NR1D2: variants seen among roughly 807,000 people sequenced by gnomAD.
NR1D2 encodes the protein V-erbA-related protein 1-related.
NR1D2 carries 25 observed loss-of-function variants against 52.2 expected under a neutral mutation model. That is an observed-to-expected ratio of 0.48 (90% confidence interval 0.35 to 0.67). The LOEUF is 0.67. Ranked by LOEUF, NR1D2 falls within the 30% of genes least tolerant of loss-of-function variation. The pLI is 0.01. For synonymous variants in NR1D2, 259 were observed against 230.1 expected (o/e 1.13, Z -1.14); for missense variants, 681 against 707.2 (o/e 0.96, Z 0.42).
At chr3:23,959,263 CAAAAA>C (rs5847262) in intron 3 of NR1D2, among the ~76,000 whole-genome samples, 1 of 91,682 alleles carries the variant, frequency 1.1e-5, no homozygotes. Context: ...GATCCTATCT[CAAAAA>C]AAAAAAAAAA....
chr3:23,954,620 C>T lies in NR1D2; in HGVS notation c.100C>T (p.Gln34Ter). The T allele has an allele frequency of 1.9e-6, 3 of 1,613,982 alleles. No individual in the cohort carries two copies. The highest frequency in any genetic ancestry group is 2.2e-5 in the East Asian group (1 of 44,874). ...CHSEGSENSF[Q>*]SSSSSVPSSP... Reference sequence around the variant, plus strand: ...CAGTGAGGGTTCTGAGAATAGTTTCCAGTCCTCCTCCTCTTCTGTTCCATC... The same window carrying T: ...CAGTGAGGGTTCTGAGAATAGTTTCTAGTCCTCCTCCTCTTCTGTTCCATC... The change falls in exon 2 of 8, where the codon CAG becomes TAG. Residue 34 changes from glutamine to a stop codon, truncating the protein, a stop_gained. Transcript: ENST00000312521. LOFTEE classifies it high-confidence loss of function.
intron 7 of NR1D2, among the ~76,000 whole-genome samples, chr3:23,971,746 T>A (rs530671930): frequency 1.1e-5 from 1 of 90,658 alleles, no homozygotes; most frequent in East Asian, 2.3e-4. Flanking sequence ...ATAGAATCTC[T>A]TAATTGTTCA....
Position 23,945,556 on chromosome 3 carries a change from C to T in NR1D2, c.-23C>T, listed in dbSNP as rs1190295996. ...CCCCCTCTGCGGGAAGCGGGCGGCC[C>T]CGGCCGCCTCCGCGAGGGCACCATG... On this transcript the variant is annotated 5_prime_UTR_variant, in exon 1 of 8. Coordinates refer to ENST00000312521, the MANE Select transcript of NR1D2 (RefSeq NM_005126.5). 2.6e-6 allele frequency: 3 copies of T among 1,157,190 alleles called. No individual in the cohort carries two copies. Among genetic ancestry groups the T allele is most frequent in the East Asian group, 4.1e-5 (1 of 24,534 alleles). The allele number at this position is 1,157,190 out of a possible 1,614,324, so 71.7% of individuals were successfully genotyped here.
intron 4 of NR1D2, among the ~76,000 whole-genome samples, chr3:23,961,389 C>CTTTTT (rs869108010): frequency 1.1e-3 from 81 of 75,958 alleles, no homozygotes; most frequent in African/African-American, 2.6e-3. Context: ...CTTTTTCTTT[C>CTTTTT]TTTTTTTTTT....
chr3:23,962,366 A>G lies in NR1D2; in HGVS notation c.907A>G (p.Asn303Asp). ...TAATTTAAATCATGATCATTGCGGC[A>G]ATGGGCTTAGCAGCCATTTTCCCTG... ...QYNLNHDHCGNGLSSHFPCSE... is the reference protein window; with the variant it reads ...QYNLNHDHCGDGLSSHFPCSE... The change falls in exon 5 of 8, where the codon AAT becomes GAT. Residue 303 changes from asparagine (N) to aspartate (D), a missense_variant. Asn to Asp is a conservative substitution (Grantham distance 23). Coordinates refer to ENST00000312521, the MANE Select transcript of NR1D2 (RefSeq NM_005126.5). 6.2e-7 allele frequency: 1 copy of G among 1,614,210 alleles called. No individual in the cohort carries two copies. Among genetic ancestry groups the G allele is most frequent in the Non-Finnish European group, 8.5e-7 (1 of 1,180,026 alleles).
intron 3 of NR1D2, among the ~76,000 whole-genome samples, chr3:23,956,746 C>G (rs1706090290): frequency 6.6e-6 from 1 of 152,178 alleles, no homozygotes; most frequent in Non-Finnish European, 1.5e-5. Context: ...GTGAGATGGT[C>G]TCTACCTCCC....
At chr3:23,948,500 A>G (rs1439449482) in intron 1 of NR1D2, among the ~76,000 whole-genome samples, 1 of 152,238 alleles carries the variant, frequency 6.6e-6, no homozygotes, top group Non-Finnish European at 1.5e-5. Flanking sequence ...CACATTAAAA[A>G]ATGAGGTGAA....
intron 1 of NR1D2, among the ~76,000 whole-genome samples, chr3:23,952,545 A>G (rs752623390): frequency 7.1e-4 from 107 of 151,608 alleles, no homozygotes; most frequent in Non-Finnish European, 1.4e-3. Context: ...CCCTGTCTCT[A>G]CTAAAAAAAA....
At chr3:23,947,405 T>C (rs989472445) in intron 1 of NR1D2, among the ~76,000 whole-genome samples, 22 of 152,338 alleles carry the variant, frequency 1.4e-4, no homozygotes, top group African/African-American at 4.8e-4. Flanking sequence ...CATCTCTTTG[T>C]CCTTGCCCAG....
rs1439532695 is a variant in NR1D2 at position 23,978,665 on chromosome 3, A to G, written c.*1246A>G. The G allele has an allele frequency of 6.6e-6, 1 of 152,094 alleles. No individual in the cohort carries two copies. The highest frequency in any genetic ancestry group is 2.4e-5 in the African/African-American group (1 of 41,444). The allele number at this position is 152,094 out of a possible 1,614,324, so 9.4% of individuals were successfully genotyped here. A position where few individuals can be genotyped will look rare whatever the true frequency, so the allele number is the denominator to read the frequency against. On this transcript the variant is annotated 3_prime_UTR_variant, in exon 8 of 8. Transcript: ENST00000312521. ...TTTTATTCTTTCTGAAGAACTAATT[A>G]ATGTTTAAAGCAACTGTTTAATATG...
intron 7 of NR1D2, among the ~76,000 whole-genome samples, chr3:23,970,423 T>A (rs1404842888): frequency 1.3e-5 from 2 of 152,176 alleles, no homozygotes; most frequent in Non-Finnish European, 2.9e-5. Flanking sequence ...TTTTTTCTGA[T>A]TATAAATTTA....
rs756741057 is a variant in NR1D2 at position 23,962,363 on chromosome 3, G to A, written c.904G>A (p.Gly302Ser). Residue 302 changes from glycine to serine, a missense_variant, in exon 5 of 8, where the codon GGC becomes AGC. By Grantham distance (56) the Gly-to-Ser change is moderately conservative. This residue lies in a region of NR1D2 where 475 missense variants were observed against 454.5 expected (regional missense o/e 1.05). Coordinates refer to ENST00000312521, the MANE Select transcript of NR1D2 (RefSeq NM_005126.5). Reference sequence around the variant, plus strand: ...ATATAATTTAAATCATGATCATTGCGGCAATGGGCTTAGCAGCCATTTTCC... The same window carrying A: ...ATATAATTTAAATCATGATCATTGCAGCAATGGGCTTAGCAGCCATTTTCC... ...EQYNLNHDHCGNGLSSHFPCS... is the reference protein window; with the variant it reads ...EQYNLNHDHCSNGLSSHFPCS... The A allele has an allele frequency of 1.7e-5, 27 of 1,613,974 alleles. No individual in the cohort carries two copies. Among genetic ancestry groups the A allele is most frequent in the African/African-American group, 2.7e-5 (2 of 74,912 alleles).
At chr3:23,956,201 C>A in intron 3 of NR1D2, 76 bp downstream of exon 3, 2 of 1,141,942 alleles carry the variant, frequency 1.8e-6, no homozygotes, top group Non-Finnish European at 2.7e-6. Context: ...CCCATTTGTG[C>A]AATTGATAGT....
chr3:23,954,844 G>T (rs749012367), intron 2 of NR1D2, 41 bp downstream of exon 2: 11 of 1,583,108 alleles, frequency 6.9e-6, no homozygotes, highest in Non-Finnish European at 6.1e-6. Flanking sequence ...GCCATTAATT[G>T]CAAATGGGGC....
In NR1D2 at chr3:23,956,056, A is replaced by G. The variant is rs61732086; in HGVS notation, c.303A>G (p.Leu101=). The part of the protein sequence containing the change: ...SGVTKFSGMV[L]LCKVCGDVAS... ...TCCTAGAATTTAGTGGCATGGTTCT[A>G]CTGTGTAAAGTCTGTGGGGATGTGG... is the stretch of plus-strand genomic sequence containing the variant. Residue 101 remains leucine (L), a synonymous_variant, in exon 3 of 8, where the codon CTA becomes CTG. Coordinates refer to ENST00000312521, the MANE Select transcript of NR1D2 (RefSeq NM_005126.5). The G allele has an allele frequency of 0.02, 31,814 of 1,613,562 alleles. 387 individuals are homozygous for G. The highest frequency in any genetic ancestry group is 0.026 in the Middle Eastern group (155 of 6,058).
At position 23,980,241 on chromosome 3, in the gene NR1D2, G is replaced by T. The variant is rs1191367068; in HGVS notation, c.*2822G>T. On this transcript the variant is annotated 3_prime_UTR_variant, in exon 8 of 8. Transcript: ENST00000312521. ...GCAGCTCAGCTAGATTTATTACTGT[G>T]CACGAAAGTAAATACCTATCTCAAT... 1.3e-5 allele frequency: 2 copies of T among 152,058 alleles called. No individual in the cohort carries two copies. The highest frequency in any genetic ancestry group is 2.9e-5 in the Non-Finnish European group (2 of 67,988). The allele number at this position is 152,058 out of a possible 1,614,324, so 9.4% of individuals were successfully genotyped here. A position where few individuals can be genotyped will look rare whatever the true frequency, so the allele number is the denominator to read the frequency against.
chr3:23,958,295 C>G (rs892997834), intron 3 of NR1D2, among the ~76,000 whole-genome samples: 6 of 152,186 alleles, frequency 3.9e-5, no homozygotes, highest in Non-Finnish European at 7.3e-5. Flanking sequence ...TAATGTAATC[C>G]ACAATCTAGT....
chr3:23,974,946 G>A (rs902351051), intron 7 of NR1D2, among the ~76,000 whole-genome samples: 4 of 151,694 alleles, frequency 2.6e-5, no homozygotes, highest in African/African-American at 4.8e-5. Flanking sequence ...AGCCTTCCAA[G>A]TAGCTGGGAT....
At chr3:23,963,967 G>A (rs560512313) in intron 5 of NR1D2, among the ~76,000 whole-genome samples, 1 of 147,562 alleles carries the variant, frequency 6.8e-6, no homozygotes, top group Non-Finnish European at 1.5e-5. Flanking sequence ...TTTCCCTCAC[G>A]CAGTCGTCAT....
Sources: gnomAD v4.1 joint callset for allele counts (sites outside exome capture counted in the v4.1 genomes callset) on GRCh38, gnomAD v4.1.1 for gene constraint, gnomAD v4.1.1 regional missense constraint, MANE v1.5 for transcripts, NCBI Gene and HGNC (gene_info 2026-07-23, HGNC 2026-07-21) for gene names.